Variants in SSBP3 observed in about 807,000 individuals in gnomAD.
SSBP3 encodes the protein single stranded DNA binding protein 3.
Under a neutral mutation model 69.6 loss-of-function variants are expected in SSBP3, and 5 were observed. The ratio of observed to expected loss-of-function variants is 0.07; its 90% CI spans 0.04 to 0.15. The LOEUF (loss-of-function observed/expected upper bound fraction) is 0.15. Ranked by LOEUF, SSBP3 falls within the 10% of genes least tolerant of loss-of-function variation. The pLI is 1.00. For missense variants in SSBP3, 312 were observed against 534.0 expected (o/e 0.58, Z 4.10); for synonymous variants, 196 against 193.4 (o/e 1.01, Z -0.11).
At chr1:54,406,893 C>T (rs1255444156), upstream of SSBP3, among the ~76,000 whole-genome samples, 1 of 151,618 alleles carries the variant, frequency 6.6e-6, no homozygotes, top group Non-Finnish European at 1.5e-5. Context: ...TCGCCCTCCG[C>T]TCTTGGTTGT....
Position 54,380,096 on chromosome 1 carries a change from A to G in SSBP3, c.276+21765T>C, listed in dbSNP as rs185978327. On this transcript the variant is annotated intron_variant, in intron 4 of 17. Transcript: ENST00000610401. ...GGAATGTGGCCAATCTCGCCAGGGA[A>G]AGGCTGCTCCAGGCTCCTCCCTCTC... 4.8e-3 allele frequency among the ~76,000 whole-genome samples: 735 copies of G among 152,216 alleles called. 4 individuals carry two copies. The highest frequency in any genetic ancestry group is 7.6e-3 in the Non-Finnish European group (518 of 67,996).
intron 4 of SSBP3, among the ~76,000 whole-genome samples, chr1:54,302,438 A>C (rs1188405714): frequency 6.6e-6 from 1 of 151,736 alleles, no homozygotes; most frequent in Admixed American, 6.6e-5. Flanking sequence ...CAGCCTCCCA[A>C]GTAGCTAGGA....
chr1:54,331,117 A>G (rs761060850), intron 4 of SSBP3, among the ~76,000 whole-genome samples: 9 of 152,260 alleles, frequency 5.9e-5, no homozygotes, highest in Non-Finnish European at 1.3e-4. Flanking sequence ...TATGCCACAT[A>G]AACATATGCC....
chr1:54,406,663 G>A (rs1649799295), upstream of SSBP3, among the ~76,000 whole-genome samples: 1 of 151,922 alleles, frequency 6.6e-6, no homozygotes, highest in Non-Finnish European at 1.5e-5. Flanking sequence ...GGATCGGGCT[G>A]GGGGCACCCT....
At chr1:54,326,561 G>C (rs1646309041) in intron 4 of SSBP3, 1 of 152,164 alleles carries the variant, frequency 6.6e-6, no homozygotes, top group African/African-American at 2.4e-5. Flanking sequence ...CCTTGACGCA[G>C]CTCCTGGCAC....
chr1:54,233,687 G>T (rs1644430858), intron 14 of SSBP3, among the ~76,000 whole-genome samples: 1 of 144,938 alleles, frequency 6.9e-6, no homozygotes, highest in African/African-American at 2.5e-5. Context: ...CCTCTGCCCG[G>T]CCAGCCGCCC....
At chr1:54,312,173 T>C (rs947279009) in intron 4 of SSBP3, among the ~76,000 whole-genome samples, 3 of 152,112 alleles carry the variant, frequency 2.0e-5, no homozygotes, top group Non-Finnish European at 4.4e-5. Flanking sequence ...CTCATGCCTG[T>C]AATCCCAGTG....
chr1:54,280,983 G>GT (rs1365745383), intron 5 of SSBP3, among the ~76,000 whole-genome samples: 2 of 152,148 alleles, frequency 1.3e-5, no homozygotes, highest in Admixed American at 1.3e-4. Flanking sequence ...GGGTTTTTGT[G>GT]TTTTTTTAAG....
chr1:54,324,337 TG>T (rs1340803595), intron 4 of SSBP3, among the ~76,000 whole-genome samples: 1 of 152,202 alleles, frequency 6.6e-6, no homozygotes, highest in Non-Finnish European at 1.5e-5. Context: ...AGACAGTCCT[TG>T]GCACAGCCCC....
intron 4 of SSBP3, among the ~76,000 whole-genome samples, chr1:54,316,651 A>AAAT (rs1234266649): frequency 2.1e-5 from 1 of 48,336 alleles, no homozygotes; most frequent in African/African-American, 1.7e-4. Context: ...CCGTCTCAAA[A>AAAT]AAAAAAAATA....
intron 4 of SSBP3, among the ~76,000 whole-genome samples, chr1:54,306,468 C>T (rs1317615347): frequency 6.6e-6 from 1 of 152,220 alleles, no homozygotes; most frequent in African/African-American, 2.4e-5. Context: ...CCCGGCCACA[C>T]TGCAGCCTCA....
chr1:54,308,294 T>C (rs1367501391), intron 4 of SSBP3, among the ~76,000 whole-genome samples: 1 of 152,050 alleles, frequency 6.6e-6, no homozygotes, highest in Non-Finnish European at 1.5e-5. Flanking sequence ...CCGTCTCTAC[T>C]AAAAATACAA....
intron 4 of SSBP3, among the ~76,000 whole-genome samples, chr1:54,295,207 C>T (rs542673015): frequency 1.5e-3 from 233 of 152,274 alleles, no homozygotes; most frequent in African/African-American, 5.3e-3. Context: ...TAGGGCCCCC[C>T]GGCCGCATCC....
chr1:54,249,941 C>T (rs1644798573), intron 9 of SSBP3, among the ~76,000 whole-genome samples: 1 of 152,148 alleles, frequency 6.6e-6, no homozygotes, highest in Admixed American at 6.5e-5. Flanking sequence ...CAGATTCCAT[C>T]CTCCTGAGTC....
intron 4 of SSBP3, among the ~76,000 whole-genome samples, chr1:54,345,377 A>C (rs955993595): frequency 6.6e-6 from 1 of 152,118 alleles, no homozygotes. Flanking sequence ...CCGCACTCTA[A>C]AAACCACCCG....
chr1:54,268,916 C>T (rs1384655482), intron 5 of SSBP3, among the ~76,000 whole-genome samples: 4 of 152,104 alleles, frequency 2.6e-5, no homozygotes, highest in East Asian at 3.9e-4. Flanking sequence ...GCTTGGAGCT[C>T]GGCCTATAGC....
At chr1:54,351,786 C>T (rs1316009303) in intron 4 of SSBP3, among the ~76,000 whole-genome samples, 1 of 152,188 alleles carries the variant, frequency 6.6e-6, no homozygotes, top group Non-Finnish European at 1.5e-5. Context: ...CGGCTTGCTG[C>T]CTGTACACCA....
intron 14 of SSBP3, chr1:54,238,040 A>G (rs1481371467): frequency 2.4e-6 from 1 of 417,872 alleles, no homozygotes; most frequent in Non-Finnish European, 5.1e-6. Context: ...AAAACCCAGG[A>G]CTTTCTGTGT....
chr1:54,263,992 CAAAAACAAAAACAAAAG>C (rs1645059430), intron 5 of SSBP3, among the ~76,000 whole-genome samples: 1 of 152,052 alleles, frequency 6.6e-6, no homozygotes, highest in Non-Finnish European at 1.5e-5. Flanking sequence ...AAAACCAAAA[CAAAAACAAAAACAAAAG>C]CAAAACGAAC....
Sources: allele counts gnomAD v4.1 joint callset (sites outside exome capture counted in the v4.1 genomes callset), GRCh38; gene constraint gnomAD v4.1.1; transcripts MANE v1.5; gene names NCBI Gene and HGNC (gene_info 2026-07-23, HGNC 2026-07-21).